STK3: variants seen among roughly 807,000 people sequenced by gnomAD.
The protein encoded by STK3 is serine/threonine kinase 3.
In STK3, 41 loss-of-function variants were observed where a neutral mutation model predicts 58.0. The ratio of observed to expected loss-of-function variants is 0.71; its 90% CI spans 0.55 to 0.92. The LOEUF is 0.92. Ranked by LOEUF, STK3 falls within the 40% of genes least tolerant of loss-of-function variation. The probability of loss-of-function intolerance (pLI) is 0.00; values close to 1 mark genes in which losing one functional copy is unlikely to be tolerated. For synonymous variants in STK3, 170 were observed against 191.0 expected (o/e 0.89, Z 0.91); for missense variants, 479 against 602.7 (o/e 0.79, Z 2.15).
In STK3 at chr8:98,769,099, T is replaced by C. The variant is rs2131455365; in HGVS notation, c.108-1728A>G. Among the ~76,000 whole-genome samples the C allele has an allele frequency of 2.0e-5, 3 of 152,388 alleles. No individual in the cohort carries two copies. In the Middle Eastern group the frequency reaches 0.01, roughly 518 times the overall value. The stretch of plus-strand genomic sequence containing the variant: ...TCATTTGAGCTCCTAACTTCATTAC[T>C]AAATTCTTCATATCTATAGAGTACA... On this transcript the variant is annotated intron_variant, in intron 2 of 10. Coordinates refer to ENST00000419617, the MANE Select transcript of STK3 (RefSeq NM_006281.4).
rs980589793 is a variant in STK3, at chr8:98,883,816, A to G, written c.-60T>C. The stretch of plus-strand genomic sequence containing the variant: ...CTCCATCCTTTTTCCAAATTCCTGA[A>G]GAAGGGACATTGAATGGCCTATTTG... On this transcript the variant is annotated 5_prime_UTR_variant, in exon 2 of 2. Transcript: ENST00000519420. 13 of 680,368 alleles carry G rather than the reference A, an allele frequency of 1.9e-5. No individual in the cohort carries two copies. In the African/African-American group the frequency reaches 2.1e-4, roughly 11 times the overall value. 42.1% of individuals were successfully genotyped at this position (680,368 alleles called of 1,614,324 possible).
chr8:98,488,701 G>C (rs866544036), intron 10 of STK3, among the ~76,000 whole-genome samples: 1 of 152,192 alleles, frequency 6.6e-6, no homozygotes, highest in Non-Finnish European at 1.5e-5. Flanking sequence ...GTATGAGAAA[G>C]AGGAGACACA....
intron 9 of STK3, among the ~76,000 whole-genome samples, chr8:98,544,159 G>A: frequency 6.6e-6 from 1 of 152,130 alleles, no homozygotes; most frequent in East Asian, 1.9e-4. Context: ...AAGGGAGGGT[G>A]TGCTAATAAA....
At chr8:98,591,107 T>C (rs1418061722) in intron 7 of STK3, among the ~76,000 whole-genome samples, 2 of 152,166 alleles carry the variant, frequency 1.3e-5, no homozygotes, top group East Asian at 1.9e-4. Context: ...ATGCATTCAG[T>C]AGGAACCATA....
At chr8:98,739,098 C>G (rs867842362) in intron 4 of STK3, among the ~76,000 whole-genome samples, 1 of 152,252 alleles carries the variant, frequency 6.6e-6, no homozygotes, top group Admixed American at 6.5e-5. Context: ...GAAGCTCCAA[C>G]TGGGTGGAGC....
chr8:98,809,338 C>T (rs1415155779), intron 1 of STK3, among the ~76,000 whole-genome samples: 1 of 152,196 alleles, frequency 6.6e-6, no homozygotes, highest in Admixed American at 6.5e-5. Context: ...TGGTGTCTGA[C>T]ACTCACTCCA....
At chr8:98,775,254 A>C (rs772791973) in intron 1 of STK3, among the ~76,000 whole-genome samples, 15 of 152,176 alleles carry the variant, frequency 9.9e-5, no homozygotes, top group Admixed American at 2.6e-4. Context: ...GAGCACCAAC[A>C]TGATACCCAC....
chr8:98,790,870 G>A (rs563175705), intron 1 of STK3, among the ~76,000 whole-genome samples: 56 of 152,242 alleles, frequency 3.7e-4, no homozygotes, highest in Non-Finnish European at 4.9e-4. Flanking sequence ...TGTAATCCCA[G>A]CTACTTGGGA....
intron 8 of STK3, among the ~76,000 whole-genome samples, chr8:98,575,052 G>GT (rs1224966240): frequency 6.6e-6 from 1 of 151,910 alleles, no homozygotes; most frequent in African/African-American, 2.4e-5. Flanking sequence ...CATCTCTTTT[G>GT]TTTATAGGTC....
intron 7 of STK3, among the ~76,000 whole-genome samples, chr8:98,587,946 G>A (rs957933042): frequency 6.6e-6 from 1 of 152,014 alleles, no homozygotes; most frequent in African/African-American, 2.4e-5. Flanking sequence ...TTTTCCATTT[G>A]CTTGGTAGAT....
rs564731577 is a variant in STK3 at position 98,859,068 on chromosome 8, G to A, written c.110+24579C>T. 5.3e-5 allele frequency among the ~76,000 whole-genome samples: 8 copies of A among 152,200 alleles called. No individual in the cohort carries two copies. The East Asian group carries it at 1.5e-3, about 29-fold the overall frequency. On this transcript the variant is annotated intron_variant, in intron 3 of 12. Transcript: ENST00000523601. ...AGGAAAGCAAATTTACAGAGAAAGG[G>A]GAGAAATAATGAATTTATTTGATTT...
At chr8:98,758,484 G>C (rs1206887773) in intron 3 of STK3, among the ~76,000 whole-genome samples, 2 of 152,214 alleles carry the variant, frequency 1.3e-5, no homozygotes, top group South Asian at 2.1e-4. Flanking sequence ...GGGATGTAAG[G>C]TTGGTTCAAT....
At chr8:98,531,842 G>A (rs994349929) in intron 9 of STK3, among the ~76,000 whole-genome samples, 103 of 152,264 alleles carry the variant, frequency 6.8e-4, no homozygotes, top group African/African-American at 2.4e-3. Flanking sequence ...TTCCTTAAAC[G>A]TCATGAACCA....
At chr8:98,535,212 C>A (rs1809655704) in intron 9 of STK3, among the ~76,000 whole-genome samples, 1 of 152,284 alleles carries the variant, frequency 6.6e-6, no homozygotes. Flanking sequence ...CCACCATTAT[C>A]AACTGCATTT....
At chr8:98,344,665 G>T in the STK3 span, among the ~76,000 whole-genome samples, 2 of 151,872 alleles carry the variant, frequency 1.3e-5, no homozygotes, top group African/African-American at 4.8e-5. Context: ...AAGCCGAGGC[G>T]GGCGGATCAC....
chr8:98,644,231 C>T (rs1246285941), intron 6 of STK3, among the ~76,000 whole-genome samples: 1 of 152,088 alleles, frequency 6.6e-6, no homozygotes, highest in Non-Finnish European at 1.5e-5. Context: ...CTTTTCATTG[C>T]TCTTTAGAAG....
intron 3 of STK3, among the ~76,000 whole-genome samples, chr8:98,848,191 C>T (rs994019806): frequency 4.6e-5 from 7 of 152,060 alleles, no homozygotes; most frequent in Admixed American, 4.6e-4. Flanking sequence ...AAACCTAGCA[C>T]TCACCTCTCA....
intron 7 of STK3, among the ~76,000 whole-genome samples, chr8:98,593,565 T>C (rs1057419517): frequency 6.6e-6 from 1 of 152,166 alleles, no homozygotes; most frequent in African/African-American, 2.4e-5. Context: ...TACTGTCAGA[T>C]CAGCAGTGGT....
At position 98,547,966 on chromosome 8, in the gene STK3, T is replaced by A. The variant is rs1403629843; in HGVS notation, c.1141+3A>T. 3 of 1,567,828 alleles carry A rather than the reference T, an allele frequency of 1.9e-6. No individual in the cohort carries two copies. Among genetic ancestry groups the A allele is most frequent in the South Asian group, 1.2e-5 (1 of 83,382 alleles). ...TAATATTTAATGTAAAAAAGCCACA[T>A]ACTTTTCATAGTTCCATCTTCTTCT... On this transcript the variant is annotated splice_donor_region_variant and intron_variant, in intron 9 of 10. Coordinates refer to ENST00000419617, the MANE Select transcript of STK3 (RefSeq NM_006281.4).
Sources: allele counts gnomAD v4.1 joint callset (sites outside exome capture counted in the v4.1 genomes callset), GRCh38; gene constraint gnomAD v4.1.1; transcripts MANE v1.5; gene names NCBI Gene and HGNC (gene_info 2026-07-23, HGNC 2026-07-21).